The following GPR141 variants were observed in gnomAD, a reference collection of about 807,000 sequenced individuals.
GPR141 encodes G protein-coupled receptor 141.
A neutral mutation model predicts 6.8 loss-of-function variants in GPR141; 6 were observed. That is an observed-to-expected ratio of 0.88 (90% CI 0.48 to 1.74). The LOEUF is 1.74. Ranked by LOEUF, GPR141 falls within the 40% of genes most tolerant of loss-of-function variation. The probability of loss-of-function intolerance (pLI) is 0.01; values close to 1 mark genes in which losing one functional copy is unlikely to be tolerated. For missense variants in GPR141, 372 were observed against 372.9 expected (o/e 1.00, Z 0.02); for synonymous variants, 140 against 142.3 (o/e 0.98, Z 0.11).
intron 2 of GPR141, among the ~76,000 whole-genome samples, chr7:37,696,639 T>G (rs138866142): frequency 1.3e-5 from 2 of 152,056 alleles, no homozygotes; most frequent in African/African-American, 2.4e-5. Context: ...ATGGCACTCA[T>G]ATAGCACATC....
chr7:37,715,001 C>T (rs1810978646), intron 2 of GPR141, among the ~76,000 whole-genome samples: 1 of 152,112 alleles, frequency 6.6e-6, no homozygotes, highest in South Asian at 2.1e-4. Context: ...CATGTTATAA[C>T]AAGAATTGTT....
chr7:37,726,480 A>C (rs556933692), intron 2 of GPR141, among the ~76,000 whole-genome samples: 1 of 152,274 alleles, frequency 6.6e-6, no homozygotes, highest in African/African-American at 2.4e-5. Context: ...TATTTTATGT[A>C]ATTTTTCATA....
Position 37,740,548 on chromosome 7 carries a change from C to T in GPR141, c.155C>T (p.Thr52Ile), listed in dbSNP as rs753444243. 6.2e-7 allele frequency: 1 copy of T among 1,614,130 alleles called. No individual in the cohort carries two copies. Among genetic ancestry groups the T allele is most frequent in the Non-Finnish European group, 8.5e-7 (1 of 1,179,994 alleles). ...LVKMNTRSVTTMAVINLVVVH... is the reference protein window; with the variant it reads ...LVKMNTRSVTIMAVINLVVVH... ...AAAATGAACACCCGGTCAGTGACCA[C>T]CATGGCGGTCATTAACTTGGTGGTG... The change falls in exon 3 of 3, where the codon ACC (threonine) becomes ATC (isoleucine). Residue 52 changes from threonine to isoleucine, a missense_variant. By Grantham distance (89) the Thr-to-Ile change is moderately conservative. Coordinates refer to ENST00000334425, the MANE Select transcript of GPR141 (RefSeq NM_001381946.1).
At chr7:37,708,324 A>AAC (rs1554341175) in intron 2 of GPR141, among the ~76,000 whole-genome samples, 1 of 151,126 alleles carries the variant, frequency 6.6e-6, no homozygotes, top group Non-Finnish European at 1.5e-5. Flanking sequence ...AAAAAAAAAA[A>AAC]AAAAAAAAAA....
chr7:37,710,575 T>C (rs1299290695), intron 2 of GPR141, among the ~76,000 whole-genome samples: 1 of 152,230 alleles, frequency 6.6e-6, no homozygotes, highest in African/African-American at 2.4e-5. Context: ...ATTTTTACAG[T>C]TGATTTCTTG....
chr7:37,701,333 A>G (rs939737292), intron 2 of GPR141, among the ~76,000 whole-genome samples: 5 of 152,192 alleles, frequency 3.3e-5, no homozygotes, highest in Admixed American at 6.5e-5. Flanking sequence ...TGTATTTCTG[A>G]CTTTAATGTT....
chr7:37,685,859 A>G (rs1000058595), intron 2 of GPR141, among the ~76,000 whole-genome samples: 2 of 151,550 alleles, frequency 1.3e-5, no homozygotes, highest in African/African-American at 4.9e-5. Flanking sequence ...TAATTTCTAA[A>G]AGTGCTTTCC....
At chr7:37,695,505 T>C (rs1308764430) in intron 2 of GPR141, among the ~76,000 whole-genome samples, 1 of 152,156 alleles carries the variant, frequency 6.6e-6, no homozygotes, top group Non-Finnish European at 1.5e-5. Flanking sequence ...GTTCTCTTGC[T>C]CACCTTTCTG....
intron 2 of GPR141, among the ~76,000 whole-genome samples, chr7:37,693,393 T>G (rs1166297828): frequency 6.6e-6 from 1 of 152,206 alleles, no homozygotes; most frequent in Admixed American, 6.5e-5. Flanking sequence ...TCATGCTGTT[T>G]TGGTTACTGT....
chr7:37,729,878 G>T (rs970977121), intron 2 of GPR141: 1 of 152,188 alleles, frequency 6.6e-6, no homozygotes, highest in African/African-American at 2.4e-5. Context: ...GATTGTCTCC[G>T]TGGAAGCAGA....
chr7:37,729,076 C>G (rs1811782979), intron 2 of GPR141, among the ~76,000 whole-genome samples: 1 of 152,140 alleles, frequency 6.6e-6, no homozygotes, highest in Admixed American at 6.5e-5. Context: ...GTCTGAGTCA[C>G]AGCTCGAGGC....
At chr7:37,731,483 G>A (rs1285590487) in intron 2 of GPR141, among the ~76,000 whole-genome samples, 2 of 152,152 alleles carry the variant, frequency 1.3e-5, no homozygotes, top group Non-Finnish European at 2.9e-5. Flanking sequence ...ATACTCTGTC[G>A]CCCAGGCTGG....
chr7:37,692,529 G>A (rs180720864), intron 2 of GPR141, among the ~76,000 whole-genome samples: 7 of 152,226 alleles, frequency 4.6e-5, no homozygotes, highest in East Asian at 1.9e-4. Flanking sequence ...AGATTGCTGG[G>A]TCAAATGGCA....
At chr7:37,711,188 G>A (rs1183820561) in intron 2 of GPR141, among the ~76,000 whole-genome samples, 1 of 152,154 alleles carries the variant, frequency 6.6e-6, no homozygotes, top group East Asian at 1.9e-4. Flanking sequence ...AATTTAATAT[G>A]ACCAGGAATC....
chr7:37,722,924 T>TTCCTTCCTTCCC, intron 2 of GPR141, among the ~76,000 whole-genome samples: 1 of 19,680 alleles, frequency 5.1e-5, no homozygotes, highest in African/African-American at 2.9e-4. Context: ...TCTTTTTCCT[T>TTCCTTCCTTCCC]TCCTTCCTTC....
intron 2 of GPR141, among the ~76,000 whole-genome samples, chr7:37,736,526 A>C (rs547303820): frequency 7.2e-4 from 109 of 151,110 alleles, no homozygotes; most frequent in Non-Finnish European, 1.3e-3. Context: ...GCAAAAGTGC[A>C]AAAAAATCTT....
At chr7:37,733,671 C>CAAAAAAAAAAAA (rs55943222) in intron 2 of GPR141, among the ~76,000 whole-genome samples, 3 of 101,244 alleles carry the variant, frequency 3.0e-5, no homozygotes, top group Non-Finnish European at 3.9e-5. Context: ...AACTCCATCT[C>CAAAAAAAAAAAA]AAAAAAAAAA....
chr7:37,734,871 T>C (rs1053784001), intron 2 of GPR141, among the ~76,000 whole-genome samples: 5 of 152,186 alleles, frequency 3.3e-5, no homozygotes, highest in Non-Finnish European at 7.3e-5. Context: ...TAAGGTGTTA[T>C]GGAGTGTGGC....
At chr7:37,704,441 G>T (rs909725025) in intron 2 of GPR141, among the ~76,000 whole-genome samples, 13 of 152,160 alleles carry the variant, frequency 8.5e-5, no homozygotes, top group African/African-American at 3.1e-4. Flanking sequence ...GCAGGAGAGA[G>T]AATGAGACCC....
Sources: gnomAD v4.1 joint callset for allele counts (sites outside exome capture counted in the v4.1 genomes callset) on GRCh38, gnomAD v4.1.1 for gene constraint, MANE v1.5 for transcripts, NCBI Gene and HGNC (gene_info 2026-07-23, HGNC 2026-07-21) for gene names.